Variants in NOCT observed in about 807,000 individuals in gnomAD.
NOCT encodes the protein nocturnin.
NOCT carries 18 observed loss-of-function variants against 35.0 expected under a neutral mutation model. That is an observed-to-expected ratio of 0.51 (90% confidence interval 0.36 to 0.76). The LOEUF (loss-of-function observed/expected upper bound fraction) is 0.76. Ranked by LOEUF, NOCT falls within the 30% of genes least tolerant of loss-of-function variation. The probability of loss-of-function intolerance (pLI) is 0.01; values close to 1 mark genes in which losing one functional copy is unlikely to be tolerated. For missense variants in NOCT, 479 were observed against 541.0 expected (o/e 0.89, Z 1.14); for synonymous variants, 235 against 226.3 (o/e 1.04, Z -0.34).
chr4:139,039,831 G>T (rs1029910959), intron 1 of NOCT, among the ~76,000 whole-genome samples: 1 of 151,716 alleles, frequency 6.6e-6, no homozygotes, highest in African/African-American at 2.4e-5. Context: ...GAGTTCAAGC[G>T]ATTCTCCTGC....
Position 139,019,138 on chromosome 4 carries a change from C to G in NOCT, c.190+2967C>G, listed in dbSNP as rs544156957. Among the ~76,000 whole-genome samples, 6 of 152,288 alleles carry G rather than the reference C, an allele frequency of 3.9e-5. No individual in the cohort carries two copies. The East Asian group carries it at 1.2e-3, about 29-fold the overall frequency. ...TGGCGCCACCTCTGCTCACTGCAACCTCCACCTCCCAGGCTCAAGCAGTTC... is the reference window on the plus strand; with the variant it reads ...TGGCGCCACCTCTGCTCACTGCAACGTCCACCTCCCAGGCTCAAGCAGTTC... On this transcript the variant is annotated intron_variant, in intron 1 of 2. Transcript: ENST00000280614.
chr4:139,037,978 G>A (rs1726764260), intron 1 of NOCT, among the ~76,000 whole-genome samples: 1 of 151,962 alleles, frequency 6.6e-6, no homozygotes, highest in Non-Finnish European at 1.5e-5. Flanking sequence ...AAGGTGGGTG[G>A]ATCACTTGAG....
At chr4:139,023,100 C>CA (rs536523341) in intron 1 of NOCT, among the ~76,000 whole-genome samples, 69 of 134,626 alleles carry the variant, frequency 5.1e-4, no homozygotes, top group East Asian at 1.1e-3. Context: ...GACTCCATCT[C>CA]AAAAAAAAAA....
At chr4:139,016,594 GTTTT>G (rs1031838043) in intron 1 of NOCT, among the ~76,000 whole-genome samples, 3 of 118,928 alleles carry the variant, frequency 2.5e-5, no homozygotes, top group Non-Finnish European at 3.5e-5. Context: ...TAGATATTAA[GTTTT>G]TTTTTTAAGT....
intron 1 of NOCT, among the ~76,000 whole-genome samples, chr4:139,039,680 C>G (rs1726799797): frequency 6.6e-6 from 1 of 151,706 alleles, no homozygotes; most frequent in African/African-American, 2.4e-5. Context: ...TGTCTAATTT[C>G]TGAATTTTCT....
At chr4:139,040,442 T>G in intron 1 of NOCT, among the ~76,000 whole-genome samples, 1 of 152,218 alleles carries the variant, frequency 6.6e-6, no homozygotes, top group African/African-American at 2.4e-5. Flanking sequence ...GATATTGTTC[T>G]ATTCTTTATT....
rs1178259730 is a variant in NOCT, at chr4:139,043,213, T to G, written c.330T>G (p.Leu110=). ...TGGAGCCCATTGATCCTAAAGAGCTTCTTGAGGAATGCAGGGCCGTCCTGC... is the reference window on the plus strand; with the variant it reads ...TGGAGCCCATTGATCCTAAAGAGCTGCTTGAGGAATGCAGGGCCGTCCTGC... The part of the protein sequence containing the change: ...EHLEPIDPKE[L]LEECRAVLHT... Residue 110 remains leucine (L), a synonymous_variant, in exon 2 of 3, where the codon CTT becomes CTG. Coordinates refer to ENST00000280614, the MANE Select transcript of NOCT (RefSeq NM_012118.4). 6.2e-7 allele frequency: 1 copy of G among 1,614,182 alleles called. No homozygotes were observed. The highest frequency in any genetic ancestry group is 1.3e-5 in the African/African-American group (1 of 75,048).
At position 139,016,048 on chromosome 4, in the gene NOCT, C is replaced by A; in HGVS notation, c.67C>A (p.Leu23Met). 7.2e-7 allele frequency: 1 copy of A among 1,390,542 alleles called. No homozygotes were observed. Among genetic ancestry groups the A allele is most frequent in the South Asian group, 1.6e-5 (1 of 64,134 alleles). 86.1% of individuals were successfully genotyped at this position (1,390,542 alleles called of 1,614,324 possible). Residue 23 changes from leucine (L) to methionine (M), a missense_variant, in exon 1 of 3, where the codon CTG becomes ATG. Coordinates refer to ENST00000280614, the MANE Select transcript of NOCT (RefSeq NM_012118.4). ...LQRDAPGLRR[L>M]PAPGLRRPLS... ...GAGGGACGCGCCCGGCCTGCGCCGC[C>A]TGCCCGCCCCAGGGCTGCGCCGCCC...
At chr4:139,034,841 G>A (rs1270115812) in intron 1 of NOCT, among the ~76,000 whole-genome samples, 1 of 152,144 alleles carries the variant, frequency 6.6e-6, no homozygotes, top group African/African-American at 2.4e-5. Context: ...GATTACAGGC[G>A]TGAGCCACTG....
At chr4:139,021,393 C>T (rs565497770) in intron 1 of NOCT, among the ~76,000 whole-genome samples, 5 of 152,128 alleles carry the variant, frequency 3.3e-5, no homozygotes, top group African/African-American at 1.2e-4. Context: ...CCAAGGCAGG[C>T]GGATCACCTG....
At chr4:139,019,362 G>A (rs554303654) in intron 1 of NOCT, among the ~76,000 whole-genome samples, 73 of 152,258 alleles carry the variant, frequency 4.8e-4, no homozygotes, top group African/African-American at 1.7e-3. Flanking sequence ...CCTATGAAGT[G>A]CTTTTTTAAA....
chr4:139,027,230 A>G (rs921763939), intron 1 of NOCT, among the ~76,000 whole-genome samples: 1 of 150,342 alleles, frequency 6.7e-6, no homozygotes, highest in Non-Finnish European at 1.5e-5. Flanking sequence ...ACTGGAGTGC[A>G]GTGGCGCAGA....
intron 1 of NOCT, among the ~76,000 whole-genome samples, chr4:139,038,810 CTTCTTTAGAA>C (rs768056324): frequency 1.5e-4 from 23 of 152,150 alleles, no homozygotes; most frequent in Admixed American, 2.0e-4. Flanking sequence ...CCCTGAAAGT[CTTCTTTAGAA>C]TTGATTTGCT....
intron 1 of NOCT, among the ~76,000 whole-genome samples, chr4:139,023,666 T>G: frequency 6.6e-6 from 1 of 152,058 alleles, no homozygotes; most frequent in Admixed American, 6.6e-5. Context: ...CCTGCTAATT[T>G]TTTGTATTTT....
Position 139,045,773 on chromosome 4 carries a change from G to A in NOCT, c.*299G>A. Reference sequence around the variant, plus strand: ...CCTTGAATCACAAGAGTCTTAACAGGGAATGTTTCAGGAAACAAATAGGAT... The same window carrying A: ...CCTTGAATCACAAGAGTCTTAACAGAGAATGTTTCAGGAAACAAATAGGAT... On this transcript the variant is annotated 3_prime_UTR_variant, in exon 3 of 3. Transcript: ENST00000280614. The A allele has an allele frequency of 4.5e-6, 1 of 223,346 alleles. No homozygotes were observed. The highest frequency in any genetic ancestry group is 5.2e-5 in the Admixed American group (1 of 19,210). The allele number at this position is 223,346 out of a possible 1,614,324, so 13.8% of individuals were successfully genotyped here.
intron 1 of NOCT, among the ~76,000 whole-genome samples, chr4:139,022,867 G>A (rs1325662247): frequency 1.3e-5 from 2 of 152,200 alleles, no homozygotes; most frequent in Non-Finnish European, 2.9e-5. Flanking sequence ...GGCCAAGGAG[G>A]TGGGGGGAAT....
chr4:139,015,786 G>GT lies in NOCT; in HGVS notation c.-195dup. On this transcript the variant is annotated 5_prime_UTR_variant, in exon 1 of 3. Transcript: ENST00000280614. ...GTCTCGCCAGGTCTCACAGCAGACG[G>GT]TGCCGACGCAGCGGTGTTGCACCTC... The GT allele has an allele frequency of 2.6e-6, 1 of 377,796 alleles. No individual in the cohort carries two copies. The highest frequency in any genetic ancestry group is 4.5e-6 in the Non-Finnish European group (1 of 221,544). 23.4% of individuals were successfully genotyped at this position (377,796 alleles called of 1,614,324 possible). A position where few individuals can be genotyped will look rare whatever the true frequency, so the allele number is the denominator to read the frequency against.
At position 139,033,883 on chromosome 4, in the gene NOCT, AT is replaced by A. The variant is rs1726670446; in HGVS notation, c.191-9185del. 2.0e-5 allele frequency among the ~76,000 whole-genome samples: 3 copies of A among 151,334 alleles called. No individual in the cohort carries two copies. In the South Asian group the frequency reaches 6.3e-4, roughly 32 times the overall value. ...AGGCACATGCCACCATGCCCAGCTAATTTTTTCTTTTTTTAATTACATCTAG... is the reference window on the plus strand; with the variant it reads ...AGGCACATGCCACCATGCCCAGCTAATTTTTCTTTTTTTAATTACATCTAG... On this transcript the variant is annotated intron_variant, in intron 1 of 2. Transcript: ENST00000280614.
intron 1 of NOCT, among the ~76,000 whole-genome samples, chr4:139,036,093 A>G (rs974995713): frequency 1.3e-5 from 2 of 152,082 alleles, no homozygotes; most frequent in African/African-American, 4.8e-5. Flanking sequence ...GACAGACTAC[A>G]CACACACATA....
Sources: gnomAD v4.1 joint callset for allele counts (sites outside exome capture counted in the v4.1 genomes callset) on GRCh38, gnomAD v4.1.1 for gene constraint, MANE v1.5 for transcripts, NCBI Gene and HGNC (gene_info 2026-07-23, HGNC 2026-07-21) for gene names.